DPYD: variants seen among roughly 807,000 people sequenced by gnomAD.
DPYD encodes dihydropyrimidine dehydrogenase, also known as dihydropyrimidine dehydrogenase [NADP(+)].
A neutral mutation model predicts 116.2 loss-of-function variants in DPYD; 109 were observed. That is an observed-to-expected ratio of 0.94 (90% confidence interval 0.80 to 1.10). DPYD has a LOEUF of 1.10. Ranked by LOEUF, DPYD falls within the 50% of genes least tolerant of loss-of-function variation. The pLI, the probability that DPYD is intolerant of heterozygous loss-of-function variation, is 0.00. For synonymous variants in DPYD, 440 were observed against 432.0 expected (o/e 1.02, Z -0.23); for missense variants, 1,302 against 1,254.5 (o/e 1.04, Z -0.57).
At chr1:97,284,089 T>C (rs535547193) in intron 18 of DPYD, among the ~76,000 whole-genome samples, 2 of 152,244 alleles carry the variant, frequency 1.3e-5, no homozygotes, top group East Asian at 3.9e-4. Flanking sequence ...CTCTTCACAT[T>C]TCCTAGGTAT....
At chr1:97,732,649 T>G (rs995310743) in intron 4 of DPYD, among the ~76,000 whole-genome samples, 9 of 152,162 alleles carry the variant, frequency 5.9e-5, no homozygotes, top group African/African-American at 2.2e-4. Context: ...AATACCCCAG[T>G]CCTTTGTCTT....
In DPYD at chr1:97,246,345, T is replaced by C. The variant is rs114825866; in HGVS notation, c.2300-11351A>G. On this transcript the variant is annotated intron_variant, in intron 18 of 22. Coordinates refer to ENST00000370192, the MANE Select transcript of DPYD (RefSeq NM_000110.4). ...TGAGATAAAAAACATGGACAACCCATGTTCACATGCCCAATTTTGTGGGTC... is the reference window on the plus strand; with the variant it reads ...TGAGATAAAAAACATGGACAACCCACGTTCACATGCCCAATTTTGTGGGTC... 9.9e-3 allele frequency among the ~76,000 whole-genome samples: 1,503 copies of C among 152,224 alleles called. 29 individuals are homozygous for C. The highest frequency in any genetic ancestry group is 0.035 in the African/African-American group (1,456 of 41,520).
chr1:97,466,312 T>G (rs2101837711), intron 13 of DPYD, among the ~76,000 whole-genome samples: 1 of 152,336 alleles, frequency 6.6e-6, no homozygotes, highest in South Asian at 2.1e-4. Context: ...ATTGAGACCC[T>G]ATCACTAGCT....
intron 18 of DPYD, among the ~76,000 whole-genome samples, chr1:97,252,638 A>G (rs1663182609): frequency 6.6e-6 from 1 of 152,052 alleles, no homozygotes; most frequent in African/African-American, 2.4e-5. Flanking sequence ...TTTTTCAGTA[A>G]CCTTTGCCAA....
At chr1:97,119,477 A>G (rs1452223276) in intron 20 of DPYD, among the ~76,000 whole-genome samples, 2 of 152,154 alleles carry the variant, frequency 1.3e-5, no homozygotes, top group Non-Finnish European at 2.9e-5. Flanking sequence ...TCATGGGCTG[A>G]CAGGAGAGGG....
chr1:97,866,408 C>T (rs1671380972), intron 2 of DPYD, among the ~76,000 whole-genome samples: 1 of 151,902 alleles, frequency 6.6e-6, no homozygotes, highest in Admixed American at 6.6e-5. Flanking sequence ...TAAATGTGAA[C>T]TTCAATTTTT....
intron 20 of DPYD, among the ~76,000 whole-genome samples, chr1:97,189,365 C>A (rs539328313): frequency 6.6e-6 from 1 of 152,138 alleles, no homozygotes; most frequent in Non-Finnish European, 1.5e-5. Flanking sequence ...GCATGCAGAT[C>A]CCAAGTGATC....
At chr1:97,163,550 C>T (rs926157843) in intron 20 of DPYD, among the ~76,000 whole-genome samples, 1 of 152,122 alleles carries the variant, frequency 6.6e-6, no homozygotes, top group African/African-American at 2.4e-5. Context: ...GTTCTGGAGG[C>T]TGTGAAGTCC....
intron 3 of DPYD, among the ~76,000 whole-genome samples, chr1:97,761,788 A>T (rs1255788707): frequency 6.6e-6 from 1 of 152,164 alleles, no homozygotes; most frequent in Admixed American, 6.6e-5. Context: ...TTTTTTAAAC[A>T]GTGTTATATA....
chr1:97,132,562 A>AACTACTAC (rs1653420604), intron 20 of DPYD, among the ~76,000 whole-genome samples: 1 of 152,142 alleles, frequency 6.6e-6, no homozygotes, highest in African/African-American at 2.4e-5. Flanking sequence ...TGTAAACAAC[A>AACTACTAC]ACTACTACAT....
At chr1:97,098,656 G>A in intron 20 of DPYD, 24 bp from the exon 21 acceptor site, 1 of 1,611,974 alleles carries the variant, frequency 6.2e-7, no homozygotes, top group East Asian at 2.2e-5. Flanking sequence ...ACACAAATAA[G>A]GAAGCATGTT....
At chr1:97,166,118 A>G (rs188546295) in intron 20 of DPYD, among the ~76,000 whole-genome samples, 2 of 152,314 alleles carry the variant, frequency 1.3e-5, no homozygotes, top group Non-Finnish European at 2.9e-5. Flanking sequence ...TACCATAAAG[A>G]TACGTGTCCA....
intron 3 of DPYD, among the ~76,000 whole-genome samples, chr1:97,813,623 T>A (rs576863861): frequency 1.3e-5 from 2 of 152,136 alleles, no homozygotes; most frequent in Non-Finnish European, 2.9e-5. Flanking sequence ...AAATTGATGT[T>A]ATGGAAGATC....
chr1:97,421,342 G>T lies in DPYD; in HGVS notation c.1905+28717C>A, dbSNP rs560834172. ...TCTTACTTCCAGAGATTAACTATTTGCATGAAAAACCATTAGATTTCCCAA... is the reference window on the plus strand; with the variant it reads ...TCTTACTTCCAGAGATTAACTATTTTCATGAAAAACCATTAGATTTCCCAA... On this transcript the variant is annotated intron_variant, in intron 14 of 22. Coordinates refer to ENST00000370192, the MANE Select transcript of DPYD (RefSeq NM_000110.4). Among the ~76,000 whole-genome samples, 11 of 152,148 alleles carry T rather than the reference G, an allele frequency of 7.2e-5. No homozygotes were observed. In the South Asian group the frequency reaches 2.1e-3, roughly 29 times the overall value.
At chr1:97,544,054 C>T (rs776589921) in intron 12 of DPYD, among the ~76,000 whole-genome samples, 8 of 152,080 alleles carry the variant, frequency 5.3e-5, no homozygotes, top group Non-Finnish European at 8.8e-5. Context: ...TTGGCCTTTA[C>T]CTTGAGTGTG....
At position 97,920,934 on chromosome 1, in the gene DPYD, CAGTCTCG is replaced by C; in HGVS notation, c.-19_-13del. The C allele has an allele frequency of 1.3e-6, 2 of 1,582,246 alleles. No homozygotes were observed. The highest frequency in any genetic ancestry group is 2.3e-5 in the South Asian group (2 of 86,200). On this transcript the variant is annotated 5_prime_UTR_variant, in exon 1 of 23. Transcript: ENST00000370192. Reference sequence around the variant, plus strand: ...AGCACAGGGGCCATGGCAGTGCCTACAGTCTCGAGTCTGCCAGTGACAAACCCTCCTT... The same window carrying C: ...AGCACAGGGGCCATGGCAGTGCCTACAGTCTGCCAGTGACAAACCCTCCTT...
intron 3 of DPYD, among the ~76,000 whole-genome samples, chr1:97,764,384 A>T (rs1311264679): frequency 6.6e-6 from 1 of 152,066 alleles, no homozygotes; most frequent in Non-Finnish European, 1.5e-5. Context: ...TTCTTGTATA[A>T]TTCCAAAACA....
chr1:97,823,679 TTTA>T (rs1669082334), intron 3 of DPYD, among the ~76,000 whole-genome samples: 2 of 152,224 alleles, frequency 1.3e-5, no homozygotes, highest in African/African-American at 4.8e-5. Flanking sequence ...AGCTTTTTTT[TTTA>T]TTATTGGAAT....
At chr1:97,833,126 G>C (rs978055724) in intron 2 of DPYD, among the ~76,000 whole-genome samples, 1 of 151,440 alleles carries the variant, frequency 6.6e-6, no homozygotes. Flanking sequence ...AACTAAATCA[G>C]ATCTAAAATT....
Sources: gnomAD v4.1 joint callset for allele counts (sites outside exome capture counted in the v4.1 genomes callset) on GRCh38, gnomAD v4.1.1 for gene constraint, MANE v1.5 for transcripts, NCBI Gene and HGNC (gene_info 2026-07-23, HGNC 2026-07-21) for gene names.